The following UNC13A variants were observed in gnomAD, a reference collection of about 807,000 sequenced individuals.
UNC13A encodes unc-13 homolog A, also known as protein unc-13 homolog A.
A neutral mutation model predicts 219.7 loss-of-function variants in UNC13A; 61 were observed. The ratio of observed to expected loss-of-function variants is 0.28; its 90% confidence interval spans 0.23 to 0.34. UNC13A has a LOEUF of 0.34. Ranked by LOEUF, UNC13A falls within the 10% of genes least tolerant of loss-of-function variation. The pLI, the probability that UNC13A is intolerant of heterozygous loss-of-function variation, is 1.00. For missense variants in UNC13A, 1,476 were observed against 2,270.3 expected, an observed-to-expected ratio of 0.65 and a Z score of 7.11; for synonymous variants, 920 against 884.6, an observed-to-expected ratio of 1.04 and a Z score of -0.71.
At chr19:17,686,050 A>C (rs2080102276) in intron 1 of UNC13A, among the ~76,000 whole-genome samples, 3 of 136,772 alleles carry the variant, frequency 2.2e-5, no homozygotes, top group South Asian at 2.3e-4. Context: ...CTCCAACCTC[A>C]CACCTCCCTT....
At chr19:17,648,215 C>T (rs1020613470) in intron 16 of UNC13A, among the ~76,000 whole-genome samples, 15 of 151,306 alleles carry the variant, frequency 9.9e-5, no homozygotes, top group African/African-American at 3.4e-4. Context: ...CTTCTTTCCC[C>T]ACCCCTCGAC....
In UNC13A at chr19:17,627,012, T is replaced by G. The variant is rs1375308771; in HGVS notation, c.3921-227A>C. On this transcript the variant is annotated intron_variant, in intron 33 of 43. Transcript: ENST00000519716. This position sits in a 1 kb window ranked among gnomAD's most constrained non-coding sequence, Gnocchi z 4.7. ...ATCGAGACCACCCTGGCCAACATGG[T>G]GAAACCCTGTCTCTACTAAAAATAC... 6.6e-6 allele frequency among the ~76,000 whole-genome samples: 1 copy of G among 152,090 alleles called. No homozygotes were observed. Among genetic ancestry groups the G allele is most frequent in the African/African-American group, 2.4e-5 (1 of 41,420 alleles).
At chr19:17,681,253 G>T (rs1318840600) in intron 1 of UNC13A, among the ~76,000 whole-genome samples, 1 of 151,760 alleles carries the variant, frequency 6.6e-6, no homozygotes, top group Admixed American at 6.6e-5. Context: ...TCCCTGACCT[G>T]CCACGTGGGA....
rs944258999 is a variant in UNC13A at position 17,606,413 on chromosome 19, G to A, written c.4812-59C>T. ...ACACCTACTGTGATGCCCCGCCCAC[G>A]GCCCCGTCCCCACCGCATTTGCGGG... On this transcript the variant is annotated intron_variant, in intron 43 of 43. Transcript: ENST00000519716. 2.6e-6 allele frequency: 4 copies of A among 1,513,430 alleles called. No homozygotes were observed. The African/African-American group carries it at 5.6e-5, about 21-fold the overall frequency. 93.8% of individuals were successfully genotyped at this position (1,513,430 alleles called of 1,614,324 possible).
At position 17,655,349 on chromosome 19, in the gene UNC13A, CT is replaced by C; in HGVS notation, c.1316del (p.Glu439GlyfsTer65). ...TGGCCCTGGACATGGAGTCCTGCCC[CT>C]CCTGGCCTTCCTCATCCTCTCTCGG... ...FRPREDEEGQ[E>X]GQDSMSRAKA... is the part of the protein sequence containing the mutation. On this transcript the variant is annotated frameshift_variant, in exon 11 of 44. Coordinates refer to ENST00000519716, the MANE Select transcript of UNC13A (RefSeq NM_001080421.3). LOFTEE classifies it high-confidence loss of function. 1 of 1,590,898 alleles carries C rather than the reference CT, an allele frequency of 6.3e-7. No individual in the cohort carries two copies.
chr19:17,636,534 A>G (rs1053014726), intron 25 of UNC13A, among the ~76,000 whole-genome samples: 5 of 152,234 alleles, frequency 3.3e-5, no homozygotes, highest in Admixed American at 1.3e-4. Context: ...ACTTGGGCCA[A>G]TCACACTGAA....
chr19:17,680,884 C>CTTTTTTTTTTTTT (rs2079997096), intron 1 of UNC13A, among the ~76,000 whole-genome samples: 1 of 69,552 alleles, frequency 1.4e-5, no homozygotes, highest in African/African-American at 5.9e-5. Flanking sequence ...TTTTTCTTTT[C>CTTTTTTTTTTTTT]TTTTCTTTTT....
intron 39 of UNC13A, 75 bp downstream of exon 39, chr19:17,618,831 A>G: frequency 6.8e-7 from 1 of 1,478,696 alleles, no homozygotes; most frequent in Non-Finnish European, 9.5e-7. Context: ...CCCCTCCCCC[A>G]GGATGGTGGC....
intron 1 of UNC13A, among the ~76,000 whole-genome samples, chr19:17,681,175 G>C (rs943446226): frequency 6.7e-6 from 1 of 148,424 alleles, no homozygotes; most frequent in African/African-American, 2.5e-5. Flanking sequence ...TGGAATTACA[G>C]GCGTGAACCA....
intron 7 of UNC13A, among the ~76,000 whole-genome samples, chr19:17,665,429 G>A (rs1376179174): frequency 1.3e-5 from 2 of 152,062 alleles, no homozygotes; most frequent in African/African-American, 4.8e-5. Context: ...ACAAGGCCCA[G>A]GAAGATAAAA....
intron 27 of UNC13A, 55 bp from the exon 28 acceptor site, chr19:17,632,963 C>T (rs900775305): frequency 1.4e-5 from 23 of 1,611,890 alleles, no homozygotes; most frequent in East Asian, 2.2e-5. Flanking sequence ...CCCTCTGTCT[C>T]GGCAGAGAGG....
At position 17,688,252 on chromosome 19, in the gene UNC13A, G is replaced by T. The variant is rs2080153450; in HGVS notation, c.-53C>A. The T allele has an allele frequency of 4.2e-6, 6 of 1,422,310 alleles. No individual in the cohort carries two copies. Among genetic ancestry groups the T allele is most frequent in the Non-Finnish European group, 5.5e-6 (6 of 1,088,428 alleles). The allele number at this position is 1,422,310 out of a possible 1,614,324, so 88.1% of individuals were successfully genotyped here. ...GCGGCCGGGCCGGCTCTGTCGGGTC[G>T]GGCTCAGCGGCCGCTGGGCTGGGGC... is the stretch of plus-strand genomic sequence containing the variant. On this transcript the variant is annotated 5_prime_UTR_variant, in exon 1 of 44. Transcript: ENST00000519716.
rs2079868541 is a variant in UNC13A, at chr19:17,674,947, T to A, written c.53-191A>T. ...AGACGTGGAATTTTGGGATACTTCA[T>A]CCAGCTGCTTCGAAATGACCATGCC... On this transcript the variant is annotated intron_variant, in intron 2 of 43. Transcript: ENST00000519716. This position sits in a 1 kb window ranked among gnomAD's most constrained non-coding sequence, Gnocchi z 5.0. Among the ~76,000 whole-genome samples, 1 of 152,116 alleles carries A rather than the reference T, an allele frequency of 6.6e-6. No homozygotes were observed.
intron 7 of UNC13A, 58 bp downstream of exon 7, chr19:17,666,592 G>A (rs900136537): frequency 3.0e-6 from 4 of 1,331,496 alleles, no homozygotes; most frequent in Admixed American, 5.3e-5. Context: ...ACAGTCATGG[G>A]GTAGGGGAGG....
Position 17,658,314 on chromosome 19 carries a change from T to G in UNC13A, c.560-45A>C, listed in dbSNP as rs925309347. 5.8e-6 allele frequency: 9 copies of G among 1,553,402 alleles called. No homozygotes were observed. The Admixed American group carries it at 1.7e-4, about 29-fold the overall frequency. On this transcript the variant is annotated intron_variant, in intron 8 of 43. Transcript: ENST00000519716. The stretch of plus-strand genomic sequence containing the variant: ...TGGGAAGAGGGTGAGGAAGAGAGAG[T>G]GCACATGATGGGAGCCAATACAATT...
At chr19:17,681,650 A>G (rs1217714667) in intron 1 of UNC13A, among the ~76,000 whole-genome samples, 1 of 152,218 alleles carries the variant, frequency 6.6e-6, no homozygotes, top group Non-Finnish European at 1.5e-5. Flanking sequence ...GGCCTAGCCT[A>G]TAGTAGGTGC....
intron 41 of UNC13A, 33 bp downstream of exon 41, chr19:17,617,669 C>CG: frequency 1.9e-6 from 3 of 1,604,004 alleles, no homozygotes; most frequent in Non-Finnish European, 2.6e-6. Context: ...CTCCGCGGAG[C>CG]GGGAAAGGGT....
chr19:17,632,896 T>C lies in UNC13A; in HGVS notation c.3314A>G (p.His1105Arg), dbSNP rs2076871943. The change falls in exon 28 of 44, where the codon CAT becomes CGT. Residue 1105 changes from histidine (H) to arginine (R), a missense_variant. By Grantham distance (29) the His-to-Arg change is conservative (BLOSUM62 0). Coordinates refer to ENST00000519716, the MANE Select transcript of UNC13A (RefSeq NM_001080421.3). ...MKYAMEEHDK[H>R]RLCKSADYMN... is the part of the protein sequence containing the mutation. ...GTAGTCGGCACTCTTGCATAGACGA[T>C]GCTTGTCGTGCTCTGGCCAGGGACA... The C allele has an allele frequency of 1.2e-6, 2 of 1,613,976 alleles. No individual in the cohort carries two copies. The highest frequency in any genetic ancestry group is 1.7e-6 in the Non-Finnish European group (2 of 1,179,894).
At chr19:17,632,758 T>G in intron 28 of UNC13A, 24 bp downstream of exon 28, 2 of 1,613,270 alleles carry the variant, frequency 1.2e-6, no homozygotes, top group Non-Finnish European at 1.7e-6. Flanking sequence ...CTGGCTTGGG[T>G]TGGGCCTGGG....
Sources: allele counts gnomAD v4.1 joint callset (sites outside exome capture counted in the v4.1 genomes callset), GRCh38; gene constraint gnomAD v4.1.1; non-coding constraint Gnocchi (gnomAD v3.1); transcripts MANE v1.5; gene names NCBI Gene and HGNC (gene_info 2026-07-23, HGNC 2026-07-21).